The following FUT2 variants were observed in gnomAD, a reference collection of about 807,000 sequenced individuals.
FUT2 encodes galactoside alpha-(1,2)-fucosyltransferase 2.
For missense variants in FUT2, 419 were observed against 465.8 expected, an observed-to-expected ratio of 0.90 and a Z score of 0.93; for synonymous variants, 182 against 193.1, an observed-to-expected ratio of 0.94 and a Z score of 0.48.
intron 1 of FUT2, among the ~76,000 whole-genome samples, chr19:48,701,676 G>T (rs1003945290): frequency 2.0e-5 from 3 of 151,868 alleles, no homozygotes; most frequent in African/African-American, 7.2e-5. Flanking sequence ...CTGGACTCTG[G>T]CAAGTAGGAA....
chr19:48,705,362 G>A lies in FUT2; in HGVS notation c.*1374G>A. ...CTGACCTCATGATCCGCCTTCCTCG[G>A]CCTCCCAAAGTGCTGGGATTACAGG... On this transcript the variant is annotated 3_prime_UTR_variant, in exon 2 of 2. Coordinates refer to ENST00000425340, the MANE Select transcript of FUT2 (RefSeq NM_000511.6). 1 of 165,450 alleles carries A rather than the reference G, an allele frequency of 6.0e-6. No homozygotes were observed. The allele number at this position is 165,450 out of a possible 1,614,324, so 10.2% of individuals were successfully genotyped here.
rs369911091 is a variant in FUT2 at position 48,703,705 on chromosome 19, G to C, written c.749G>C (p.Arg250Pro). 40 of 1,613,500 alleles carry C rather than the reference G, an allele frequency of 2.5e-5. No homozygotes were observed. The highest frequency in any genetic ancestry group is 3.1e-5 in the Non-Finnish European group (36 of 1,180,024). ...VVTSNGMAWC[R>P]ENIDTSHGDV... ...ACCAGTAATGGCATGGCCTGGTGTC[G>C]GGAGAACATTGACACCTCCCACGGT... Residue 250 changes from arginine to proline, a missense_variant, in exon 2 of 2, where the codon CGG (arginine) becomes CCG (proline). Transcript: ENST00000425340.
In FUT2 at chr19:48,704,017, CCTT is replaced by C. The variant is rs1293527057; in HGVS notation, c.*32_*34del. 9 of 1,594,940 alleles carry C rather than the reference CCTT, an allele frequency of 5.6e-6. No homozygotes were observed. Among genetic ancestry groups the C allele is most frequent in the East Asian group, 2.2e-5 (1 of 44,856 alleles). ...TGGCCCATTCTTTGAGACCTTTTCT[CCTT>C]CTCTGCCTCCCTCAAGATGAGTGCC... On this transcript the variant is annotated 3_prime_UTR_variant, in exon 2 of 2. Transcript: ENST00000425340.
Position 48,698,367 on chromosome 19 carries a change from T to G in FUT2, c.-3+2278T>G, listed in dbSNP as rs1477749919. Among the ~76,000 whole-genome samples, 2 of 151,892 alleles carry G rather than the reference T, an allele frequency of 1.3e-5. 1 individual carries two copies. The highest frequency in any genetic ancestry group is 3.9e-4 in the East Asian group (2 of 5,148). Reference sequence around the variant, plus strand: ...GCCACTCAGCAGCCACCTTCCTCCTTCCTGGGTAAGGAGGTAGGGAGCTAC... The same window carrying G: ...GCCACTCAGCAGCCACCTTCCTCCTGCCTGGGTAAGGAGGTAGGGAGCTAC... On this transcript the variant is annotated intron_variant, in intron 1 of 1. Coordinates refer to ENST00000425340, the MANE Select transcript of FUT2 (RefSeq NM_000511.6).
chr19:48,703,690 G>T lies in FUT2; in HGVS notation c.734G>T (p.Gly245Val). The change falls in exon 2 of 2, where the codon GGC (glycine) becomes GTC (valine). Residue 245 changes from glycine (G) to valine (V), a missense_variant. By Grantham distance (109) the Gly-to-Val change is moderately radical. Transcript: ENST00000425340. ...SSLIFVVTSN[G>V]MAWCRENIDT... ...CTCATCTTCGTGGTCACCAGTAATG[G>T]CATGGCCTGGTGTCGGGAGAACATT... 6.2e-6 allele frequency: 10 copies of T among 1,613,678 alleles called. No individual in the cohort carries two copies. The highest frequency in any genetic ancestry group is 8.5e-6 in the Non-Finnish European group (10 of 1,180,032).
chr19:48,704,918 G>T lies in FUT2; in HGVS notation c.*930G>T, dbSNP rs964589174. ...AGAAAATTAGGGTGGTGTTACCAAG[G>T]TGAAAAGGGGAAATGGCTTTAGAGT... On this transcript the variant is annotated 3_prime_UTR_variant, in exon 2 of 2. Coordinates refer to ENST00000425340, the MANE Select transcript of FUT2 (RefSeq NM_000511.6). 6.3e-5 allele frequency: 26 copies of T among 412,310 alleles called. No individual in the cohort carries two copies. Among genetic ancestry groups the T allele is most frequent in the African/African-American group, 5.2e-4 (25 of 48,536 alleles). The allele number at this position is 412,310 out of a possible 1,614,324, so 25.5% of individuals were successfully genotyped here. A position where few individuals can be genotyped will look rare whatever the true frequency, so the allele number is the denominator to read the frequency against.
Position 48,703,543 on chromosome 19 carries a change from T to C in FUT2, c.587T>C (p.Val196Ala), listed in dbSNP as rs367923363. 3 of 1,613,288 alleles carry C rather than the reference T, an allele frequency of 1.9e-6. No homozygotes were observed. Among genetic ancestry groups the C allele is most frequent in the Middle Eastern group, 1.6e-4 (1 of 6,062 alleles). ...QVNGSRPGTF[V>A]GVHVRRGDYV... Reference sequence around the variant, plus strand: ...AACGGGAGCCGGCCGGGCACCTTTGTAGGGGTCCATGTTCGCCGAGGGGAC... The same window carrying C: ...AACGGGAGCCGGCCGGGCACCTTTGCAGGGGTCCATGTTCGCCGAGGGGAC... Residue 196 changes from valine to alanine, a missense_variant, in exon 2 of 2, where the codon GTA (valine) becomes GCA (alanine). Val to Ala is a moderately conservative substitution (Grantham distance 64). Transcript: ENST00000425340.
rs1800022 is a variant in FUT2, at chr19:48,703,368, C to T, written c.412C>T (p.Arg138Cys). The T allele has an allele frequency of 8.8e-3, 14,142 of 1,613,062 alleles. 77 individuals are homozygous for T. Among genetic ancestry groups the T allele is most frequent in the Non-Finnish European group, 0.011 (12,548 of 1,179,962 alleles). Residue 138 changes from arginine to cysteine, a missense_variant, in exon 2 of 2, where the codon CGC (arginine) becomes TGC (cysteine). Transcript: ENST00000425340. ...GAACGACTGGATGGAGGAGGAATAC[C>T]GCCACATCCCGGGGGAGTACGTCCG... The part of the protein sequence containing the change: ...HLNDWMEEEY[R>C]HIPGEYVRFT...
chr19:48,699,288 T>C (rs2032469453), intron 1 of FUT2, among the ~76,000 whole-genome samples: 1 of 151,946 alleles, frequency 6.6e-6, no homozygotes, highest in Non-Finnish European at 1.5e-5. Context: ...ATCTCTGCCT[T>C]CCATGATCAA....
intron 1 of FUT2, among the ~76,000 whole-genome samples, chr19:48,697,158 C>G (rs966430735): frequency 6.6e-6 from 1 of 151,088 alleles, no homozygotes; most frequent in Non-Finnish European, 1.5e-5. Context: ...CCAGTCTGGC[C>G]AACATGGAGA....
intron 1 of FUT2, among the ~76,000 whole-genome samples, chr19:48,698,098 T>C (rs2032448115): frequency 6.6e-6 from 1 of 150,612 alleles, no homozygotes; most frequent in African/African-American, 2.4e-5. Context: ...GGAGGTGTTG[T>C]TTTTATCCCT....
In FUT2 at chr19:48,703,021, T is replaced by C. The variant is rs753899420; in HGVS notation, c.65T>C (p.Val22Ala). 1.1e-5 allele frequency: 17 copies of C among 1,612,978 alleles called. No homozygotes were observed. The highest frequency in any genetic ancestry group is 1.6e-4 in the Middle Eastern group (1 of 6,084). Reference protein sequence around the residue: ...MAHFILFVFTVSTIFHVQQRL... With the variant: ...MAHFILFVFTASTIFHVQQRL... ...CACTTCATCCTCTTTGTCTTTACGGTTTCCACTATATTTCACGTTCAGCAG... is the reference window on the plus strand; with the variant it reads ...CACTTCATCCTCTTTGTCTTTACGGCTTCCACTATATTTCACGTTCAGCAG... Residue 22 changes from valine (V) to alanine (A), a missense_variant, in exon 2 of 2, where the codon GTT becomes GCT. Transcript: ENST00000425340.
At chr19:48,702,865 C>G (rs2032539669) in intron 1 of FUT2, 90 bp from the exon 2 acceptor site, 3 of 1,219,466 alleles carry the variant, frequency 2.5e-6, no homozygotes, top group Non-Finnish European at 3.6e-6. Flanking sequence ...CACACCCACA[C>G]TATGCCTGCA....
At chr19:48,699,632 T>C (rs751388728) in intron 1 of FUT2, among the ~76,000 whole-genome samples, 3 of 152,072 alleles carry the variant, frequency 2.0e-5, no homozygotes, top group Admixed American at 6.6e-5. Flanking sequence ...TGGGTGACAA[T>C]AGCAAACATT....
chr19:48,703,286 C>T lies in FUT2; in HGVS notation c.330C>T (p.Thr110=), dbSNP rs762991501. 6.2e-7 allele frequency: 1 copy of T among 1,613,022 alleles called. No individual in the cohort carries two copies. Among genetic ancestry groups the T allele is most frequent in the Non-Finnish European group, 8.5e-7 (1 of 1,180,022 alleles). Reference sequence around the variant, plus strand: ...CCCTGGCCCCCATCTTCAGAATCACCCTGCCGGTGCTGCACAGCGCCACGG... The same window carrying T: ...CCCTGGCCCCCATCTTCAGAATCACTCTGCCGGTGCTGCACAGCGCCACGG... ...HSTLAPIFRI[T]LPVLHSATAS... The change falls in exon 2 of 2, where the codon ACC becomes ACT. Residue 110 remains threonine, a synonymous_variant. Transcript: ENST00000425340.
chr19:48,703,732 A>T lies in FUT2; in HGVS notation c.776A>T (p.Asp259Val). Reference protein sequence around the residue: ...CRENIDTSHGDVVFAGDGIEG... With the variant: ...CRENIDTSHGVVVFAGDGIEG... ...GAGAACATTGACACCTCCCACGGTGATGTGGTGTTTGCTGGCGATGGCATT... is the reference window on the plus strand; with the variant it reads ...GAGAACATTGACACCTCCCACGGTGTTGTGGTGTTTGCTGGCGATGGCATT... The change falls in exon 2 of 2, where the codon GAT (aspartate) becomes GTT (valine). Residue 259 changes from aspartate (D) to valine (V), a missense_variant. Coordinates refer to ENST00000425340, the MANE Select transcript of FUT2 (RefSeq NM_000511.6). The T allele has an allele frequency of 6.2e-7, 1 of 1,613,496 alleles. No individual in the cohort carries two copies. The highest frequency in any genetic ancestry group is 8.5e-7 in the Non-Finnish European group (1 of 1,179,984).
intron 1 of FUT2, chr19:48,696,686 C>T (rs1024566895): frequency 2.6e-5 from 4 of 152,256 alleles, no homozygotes; most frequent in African/African-American, 9.7e-5. Context: ...CCTTCTCCTC[C>T]CCAGGGTGGA....
rs28362832 is a variant in FUT2, at chr19:48,699,660, T to C, written c.-2-3295T>C. Reference sequence around the variant, plus strand: ...CAAACATTTACCGCCTGTGTATATGTGCCAGACACTGTTTTAATCCTCAGA... The same window carrying C: ...CAAACATTTACCGCCTGTGTATATGCGCCAGACACTGTTTTAATCCTCAGA... On this transcript the variant is annotated intron_variant, in intron 1 of 1. Coordinates refer to ENST00000425340, the MANE Select transcript of FUT2 (RefSeq NM_000511.6). Among the ~76,000 whole-genome samples the C allele has an allele frequency of 1.8e-3, 278 of 152,162 alleles. 1 individual carries two copies. The highest frequency in any genetic ancestry group is 3.5e-3 in the Non-Finnish European group (238 of 68,028).
In FUT2 at chr19:48,703,251, A is replaced by G; in HGVS notation, c.295A>G (p.Met99Val). Residue 99 changes from methionine (M) to valine (V), a missense_variant, in exon 2 of 2, where the codon ATG (methionine) becomes GTG (valine). Physicochemically the swap from Met to Val is conservative, Grantham distance 21. Transcript: ENST00000425340. Reference protein sequence around the residue: ...NGRPAFIPAQMHSTLAPIFRI... With the variant: ...NGRPAFIPAQVHSTLAPIFRI... ...GCGGCCCGCCTTCATCCCGGCCCAG[A>G]TGCACAGCACCCTGGCCCCCATCTT... 1 of 1,613,050 alleles carries G rather than the reference A, an allele frequency of 6.2e-7. No individual in the cohort carries two copies. Among genetic ancestry groups the G allele is most frequent in the East Asian group, 2.2e-5 (1 of 44,856 alleles).
Sources: gnomAD v4.1 joint callset for allele counts (sites outside exome capture counted in the v4.1 genomes callset) on GRCh38, gnomAD v4.1.1 for gene constraint, MANE v1.5 for transcripts, NCBI Gene and HGNC (gene_info 2026-07-23, HGNC 2026-07-21) for gene names.